The following GALNTL6 variants were observed in gnomAD, a reference collection of about 807,000 sequenced individuals.
The protein encoded by GALNTL6 is polypeptide N-acetylgalactosaminyltransferase like 6.
A neutral mutation model predicts 73.7 loss-of-function variants in GALNTL6; 46 were observed. The observed-to-expected ratio is 0.62, with a 90% confidence interval of 0.49 to 0.80. GALNTL6 has a LOEUF of 0.80. Ranked by LOEUF, GALNTL6 falls within the 30% of genes least tolerant of loss-of-function variation. GALNTL6 has a pLI of 0.00. For synonymous variants in GALNTL6, 259 were observed against 263.7 expected, an observed-to-expected ratio of 0.98 and a Z score of 0.17; for missense variants, 604 against 755.0, an observed-to-expected ratio of 0.80 and a Z score of 2.34.
At chr4:171,916,434 G>A (rs888601802) in intron 2 of GALNTL6, among the ~76,000 whole-genome samples, 4 of 152,092 alleles carry the variant, frequency 2.6e-5, no homozygotes, top group Non-Finnish European at 5.9e-5. Flanking sequence ...AGGCTTATAT[G>A]TATTCTTTCA....
intron 5 of GALNTL6, among the ~76,000 whole-genome samples, chr4:172,768,668 G>A (rs1027082366): frequency 2.6e-5 from 4 of 152,122 alleles, no homozygotes; most frequent in African/African-American, 9.7e-5. Flanking sequence ...CACCAAATAT[G>A]AATGTGCCTG....
chr4:172,197,077 C>A (rs1735797048), intron 2 of GALNTL6, among the ~76,000 whole-genome samples: 1 of 152,046 alleles, frequency 6.6e-6, no homozygotes, highest in Non-Finnish European at 1.5e-5. Flanking sequence ...AGCTGATAAG[C>A]AACTTCATCA....
chr4:172,120,801 A>G (rs576608102), intron 2 of GALNTL6, among the ~76,000 whole-genome samples: 2 of 151,986 alleles, frequency 1.3e-5, no homozygotes, highest in Non-Finnish European at 2.9e-5. Context: ...GTCCTTTAAG[A>G]GGAGGCTTTG....
In GALNTL6 at chr4:172,809,288, C is replaced by A; in HGVS notation, c.554-73C>A. On this transcript the variant is annotated intron_variant, in intron 5 of 12. Transcript: ENST00000506823. The surrounding 1 kb of genome is among the most constrained non-coding windows in gnomAD (Gnocchi z 4.4). Reference sequence around the variant, plus strand: ...TCATCAGTCACATACTCTCTATGCACAAACAACCGTGAATAATTCAGCTGC... The same window carrying A: ...TCATCAGTCACATACTCTCTATGCAAAAACAACCGTGAATAATTCAGCTGC... The A allele has an allele frequency of 7.9e-7, 1 of 1,264,626 alleles. No individual in the cohort carries two copies. Among genetic ancestry groups the A allele is most frequent in the Non-Finnish European group, 1.1e-6 (1 of 877,542 alleles). The allele number at this position is 1,264,626 out of a possible 1,614,324, so 78.3% of individuals were successfully genotyped here.
chr4:172,699,534 A>C (rs1733902696), intron 5 of GALNTL6, among the ~76,000 whole-genome samples: 1 of 152,168 alleles, frequency 6.6e-6, no homozygotes, highest in Admixed American at 6.5e-5. Context: ...AAAAGCAATA[A>C]ATTTCTCTTA....
At chr4:172,859,668 A>G (rs191564586) in intron 7 of GALNTL6, among the ~76,000 whole-genome samples, 21 of 152,320 alleles carry the variant, frequency 1.4e-4, no homozygotes, top group Admixed American at 1.4e-3. Flanking sequence ...GCAAAAAATG[A>G]AGGGCTTAGC....
chr4:172,258,319 A>G (rs1175699301), intron 3 of GALNTL6, among the ~76,000 whole-genome samples: 13 of 151,310 alleles, frequency 8.6e-5, no homozygotes, highest in Admixed American at 6.6e-4. Context: ...TTATTTTTAT[A>G]GGTTATTTGT....
At chr4:171,868,288 C>G (rs1736028425) in intron 2 of GALNTL6, among the ~76,000 whole-genome samples, 1 of 152,182 alleles carries the variant, frequency 6.6e-6, no homozygotes, top group African/African-American at 2.4e-5. Flanking sequence ...CTCTGAAGTG[C>G]TTGCTGAATT....
At position 172,302,108 on chromosome 4, in the gene GALNTL6, T is replaced by C. The variant is rs185936564; in HGVS notation, c.248-9506T>C. On this transcript the variant is annotated intron_variant, in intron 3 of 12. Coordinates refer to ENST00000506823, the MANE Select transcript of GALNTL6 (RefSeq NM_001034845.3). ...CCAGCCTCGCTGCTGCCTTGCAGTT[T>C]GATCTCAGACTGCTGTGCTAGCAAT... Among the ~76,000 whole-genome samples the C allele has an allele frequency of 3.0e-3, 451 of 152,312 alleles. 4 individuals carry two copies. The highest frequency in any genetic ancestry group is 0.01 in the African/African-American group (428 of 41,574).
At chr4:172,633,057 G>A (rs1739482585) in intron 5 of GALNTL6, among the ~76,000 whole-genome samples, 1 of 152,232 alleles carries the variant, frequency 6.6e-6, no homozygotes, top group Non-Finnish European at 1.5e-5. Flanking sequence ...GCAGATGTTT[G>A]CTTCAAGGTC....
chr4:171,950,730 G>A (rs1015216523), intron 2 of GALNTL6, among the ~76,000 whole-genome samples: 1 of 151,934 alleles, frequency 6.6e-6, no homozygotes, highest in East Asian at 1.9e-4. Flanking sequence ...CGCCCGCCTC[G>A]GCCTCCCAGA....
In GALNTL6 at chr4:172,951,803, T is replaced by A. The variant is rs1459999988; in HGVS notation, c.1150-234T>A. Among the ~76,000 whole-genome samples, 8 of 152,234 alleles carry A rather than the reference T, an allele frequency of 5.3e-5. No homozygotes were observed. The East Asian group carries it at 1.5e-3, about 29-fold the overall frequency. On this transcript the variant is annotated intron_variant, in intron 9 of 12. Coordinates refer to ENST00000506823, the MANE Select transcript of GALNTL6 (RefSeq NM_001034845.3). ...TCTTTACTGGCTCTGATAAATTAAC[T>A]ACCAAATTGGCAATTGAACCCCATG... is the stretch of plus-strand genomic sequence containing the variant.
At chr4:171,844,062 G>A (rs1330384071) in intron 2 of GALNTL6, among the ~76,000 whole-genome samples, 1 of 152,114 alleles carries the variant, frequency 6.6e-6, no homozygotes, top group South Asian at 2.1e-4. Context: ...TATTATGATT[G>A]TGTTGTGAAA....
chr4:172,804,363 T>G (rs1284392058), intron 5 of GALNTL6, among the ~76,000 whole-genome samples: 1 of 152,224 alleles, frequency 6.6e-6, no homozygotes, highest in African/African-American at 2.4e-5. Flanking sequence ...TAGCGTATAT[T>G]CTACATGATC....
At chr4:171,892,931 G>T (rs1234751764) in intron 2 of GALNTL6, among the ~76,000 whole-genome samples, 1 of 152,012 alleles carries the variant, frequency 6.6e-6, no homozygotes, top group Non-Finnish European at 1.5e-5. Context: ...TACTTACCCT[G>T]CTGGAGTGTA....
At chr4:172,615,723 TATATAACAACTC>T (rs1738701340) in intron 5 of GALNTL6, among the ~76,000 whole-genome samples, 1 of 152,160 alleles carries the variant, frequency 6.6e-6, no homozygotes, top group African/African-American at 2.4e-5. Flanking sequence ...GAAAATACAG[TATATAACAACTC>T]AGTTTAATTT....
At position 172,665,428 on chromosome 4, in the gene GALNTL6, G is replaced by A. The variant is rs139425906; in HGVS notation, c.554-143933G>A. On this transcript the variant is annotated intron_variant, in intron 5 of 12. Transcript: ENST00000506823. Reference sequence around the variant, plus strand: ...TGCCAAATTAAGGCACACAGCCATGGTTAACTTCAAGGTATAGTGGTTTAC... The same window carrying A: ...TGCCAAATTAAGGCACACAGCCATGATTAACTTCAAGGTATAGTGGTTTAC... 2.7e-3 allele frequency among the ~76,000 whole-genome samples: 412 copies of A among 152,286 alleles called. 2 individuals carry two copies. Among genetic ancestry groups the A allele is most frequent in the Non-Finnish European group, 4.8e-3 (326 of 68,026 alleles).
At chr4:171,833,954 C>T (rs1735039378) in intron 2 of GALNTL6, among the ~76,000 whole-genome samples, 1 of 151,708 alleles carries the variant, frequency 6.6e-6, no homozygotes, top group African/African-American at 2.4e-5. Flanking sequence ...AATGTGATCT[C>T]CTTTTTATAA....
At chr4:172,728,498 A>G (rs1050446414) in intron 5 of GALNTL6, among the ~76,000 whole-genome samples, 20 of 150,190 alleles carry the variant, frequency 1.3e-4, no homozygotes, top group Non-Finnish European at 2.9e-5. Context: ...ATATGTACAT[A>G]TACAATGAAA....
Sources: allele counts gnomAD v4.1 joint callset (sites outside exome capture counted in the v4.1 genomes callset), GRCh38; gene constraint gnomAD v4.1.1; non-coding constraint Gnocchi (gnomAD v3.1); transcripts MANE v1.5; gene names NCBI Gene and HGNC (gene_info 2026-07-23, HGNC 2026-07-21).